GLS: variants seen among roughly 807,000 people sequenced by gnomAD.
GLS encodes the protein glutaminase, also known as glutaminase kidney isoform, mitochondrial.
GLS carries 36 observed loss-of-function variants against 86.7 expected under a neutral mutation model. That is an observed-to-expected ratio of 0.42 (90% CI 0.32 to 0.55). The LOEUF is 0.55. Among genes scored for constraint, GLS ranks in the 20% least tolerant of loss-of-function variants. GLS has a pLI of 0.17. For synonymous variants in GLS, 317 were observed against 305.9 expected (o/e 1.04, Z -0.38); for missense variants, 528 against 833.4 (o/e 0.63, Z 4.51).
At chr2:190,889,333 T>G (rs1688491112) in intron 1 of GLS, among the ~76,000 whole-genome samples, 1 of 152,236 alleles carries the variant, frequency 6.6e-6, no homozygotes, top group Non-Finnish European at 1.5e-5. Flanking sequence ...TGCTGCTTTC[T>G]TCTCTTCTGT....
chr2:190,932,748 C>G, intron 14 of GLS: 2 of 1,601,518 alleles, frequency 1.2e-6, no homozygotes, highest in Non-Finnish European at 1.7e-6. Flanking sequence ...ATGAAAGTCT[C>G]CAACAAGAAC....
intron 7 of GLS, among the ~76,000 whole-genome samples, chr2:190,917,558 A>C (rs1236438823): frequency 6.6e-6 from 1 of 152,196 alleles, no homozygotes; most frequent in Non-Finnish European, 1.5e-5. Context: ...GAAGATTTTC[A>C]GTTTACTTTG....
Position 190,880,896 on chromosome 2 carries a change from A to AGCAGCAGCAGCAGCAGCACCC in GLS, c.-171_-170insCCCGCAGCAGCAGCAGCAGCA. The AGCAGCAGCAGCAGCAGCACCC allele has an allele frequency of 1.9e-6, 1 of 529,626 alleles. No homozygotes were observed. Among genetic ancestry groups the AGCAGCAGCAGCAGCAGCACCC allele is most frequent in the Non-Finnish European group, 3.0e-6 (1 of 336,730 alleles). The allele number at this position is 529,626 out of a possible 1,614,324, so 32.8% of individuals were successfully genotyped here. The stretch of plus-strand genomic sequence containing the variant: ...GCGCAGCAGCAGCAGCAGCAGCAGC[A>AGCAGCAGCAGCAGCAGCACCC]GCAGCAGCAGCAGCAGCAGCAGCAC... On this transcript the variant is annotated 5_prime_UTR_variant, in exon 1 of 18. Transcript: ENST00000320717.
At chr2:190,900,506 C>T in intron 3 of GLS, 58 bp from the exon 4 acceptor site, 4 of 955,414 alleles carry the variant, frequency 4.2e-6, no homozygotes, top group Non-Finnish European at 4.7e-6. Flanking sequence ...ACTGTTATTA[C>T]CAAGTTCTGA....
In GLS at chr2:190,895,083, T is replaced by G; in HGVS notation, c.387-69T>G. On this transcript the variant is annotated intron_variant, in intron 1 of 17. Transcript: ENST00000320717. The surrounding 1 kb of genome is among the most constrained non-coding windows in gnomAD (Gnocchi z 4.2). ...GTCTAGTTTAGTGGTTATTTAACAATGGATTTAGTTAAAAATCCAGTAGAA... is the reference window on the plus strand; with the variant it reads ...GTCTAGTTTAGTGGTTATTTAACAAGGGATTTAGTTAAAAATCCAGTAGAA... 2 of 713,992 alleles carry G rather than the reference T, an allele frequency of 2.8e-6. No individual in the cohort carries two copies. Among genetic ancestry groups the G allele is most frequent in the Non-Finnish European group, 5.1e-6 (2 of 393,862 alleles). The allele number at this position is 713,992 out of a possible 1,614,324, so 44.2% of individuals were successfully genotyped here. A position where few individuals can be genotyped will look rare whatever the true frequency, so the allele number is the denominator to read the frequency against.
At chr2:190,923,343 C>CCATT (rs1390694446) in intron 9 of GLS, among the ~76,000 whole-genome samples, 1 of 152,192 alleles carries the variant, frequency 6.6e-6, no homozygotes, top group Non-Finnish European at 1.5e-5. Context: ...TCTCCATGTG[C>CCATT]CATTCCCCAG....
rs1690806045 is a variant in GLS, at chr2:190,954,408, A to G, written c.1713-176A>G. 6.6e-6 allele frequency among the ~76,000 whole-genome samples: 1 copy of G among 152,198 alleles called. No individual in the cohort carries two copies. Among genetic ancestry groups the G allele is most frequent in the Non-Finnish European group, 1.5e-5 (1 of 68,032 alleles). Reference sequence around the variant, plus strand: ...AAGCAAAGCTGAGGAAGAGAGGTGAAGTGGCATCTACCCAAAACACCTGTG... The same window carrying G: ...AAGCAAAGCTGAGGAAGAGAGGTGAGGTGGCATCTACCCAAAACACCTGTG... On this transcript the variant is annotated intron_variant, in intron 15 of 17. Transcript: ENST00000320717. This position sits in a 1 kb window ranked among gnomAD's most constrained non-coding sequence, Gnocchi z 4.0.
intron 7 of GLS, among the ~76,000 whole-genome samples, chr2:190,911,999 C>T (rs895137730): frequency 6.6e-6 from 1 of 152,008 alleles, no homozygotes; most frequent in African/African-American, 2.4e-5. Context: ...CAGACTACAC[C>T]GAAATGCTGC....
intron 1 of GLS, 123 bp downstream of exon 1, chr2:190,881,593 C>G (rs1057019714): frequency 1.0e-5 from 10 of 959,224 alleles, no homozygotes; most frequent in African/African-American, 1.7e-5. Context: ...GAAAGAGGTG[C>G]CGGGCGGCCT....
rs1015711635 is a variant in GLS, at chr2:190,956,201, C to G, written c.1853+1383C>G. On this transcript the variant is annotated intron_variant, in intron 17 of 17. Coordinates refer to ENST00000320717, the MANE Select transcript of GLS (RefSeq NM_014905.5). This position sits in a 1 kb window ranked among gnomAD's most constrained non-coding sequence, Gnocchi z 4.2. ...TTGGTCATGAAGTCTTTGCCCATGC[C>G]TATGTCCTGAATGGTATTGCCTAGG... Among the ~76,000 whole-genome samples the G allele has an allele frequency of 2.0e-5, 3 of 152,176 alleles. No individual in the cohort carries two copies. Among genetic ancestry groups the G allele is most frequent in the African/African-American group, 7.2e-5 (3 of 41,430 alleles).
In GLS at chr2:190,880,926, A is replaced by G. The variant is rs1455509161; in HGVS notation, c.-159A>G. 1 of 974,148 alleles carries G rather than the reference A, an allele frequency of 1.0e-6. No individual in the cohort carries two copies. The highest frequency in any genetic ancestry group is 2.9e-5 in the East Asian group (1 of 34,978). The allele number at this position is 974,148 out of a possible 1,614,324, so 60.3% of individuals were successfully genotyped here. A position where few individuals can be genotyped will look rare whatever the true frequency, so the allele number is the denominator to read the frequency against. Reference sequence around the variant, plus strand: ...CAGCAGCAGCAGCAGCAGCACCCGCATCCGCTGCGGGAGTCCGAGCCGGAA... The same window carrying G: ...CAGCAGCAGCAGCAGCAGCACCCGCGTCCGCTGCGGGAGTCCGAGCCGGAA... On this transcript the variant is annotated 5_prime_UTR_variant, in exon 1 of 18. Transcript: ENST00000320717.
chr2:190,959,523 CTT>C, intron 17 of GLS, among the ~76,000 whole-genome samples: 1 of 152,252 alleles, frequency 6.6e-6, no homozygotes, highest in East Asian at 1.9e-4. Flanking sequence ...TGTCAATGGT[CTT>C]TACAATTTTG....
chr2:190,950,206 G>C (rs193067745), intron 14 of GLS, among the ~76,000 whole-genome samples: 1 of 152,082 alleles, frequency 6.6e-6, no homozygotes, highest in Non-Finnish European at 1.5e-5. Context: ...TCTGAATGGA[G>C]TAGAGCTGGA....
In GLS at chr2:190,900,677, A is replaced by T; in HGVS notation, c.719A>T (p.Lys240Met). ...HIDELYESAK[K>M]QSGGKVADYI... is the part of the protein sequence containing the mutation. ...GATGAGTTATATGAAAGTGCTAAAA[A>T]GCAGTCTGGAGGAAAGGTAATGCTT... Residue 240 changes from lysine (K) to methionine (M), a missense_variant, in exon 4 of 18, where the codon AAG becomes ATG. Around this residue, in one of 4 missense-constraint regions of GLS, gnomAD observed 111 missense variants for 179.5 expected, o/e 0.62. Transcript: ENST00000320717. 6.2e-7 allele frequency: 1 copy of T among 1,606,876 alleles called. No individual in the cohort carries two copies. The highest frequency in any genetic ancestry group is 8.5e-7 in the Non-Finnish European group (1 of 1,174,452).
chr2:190,924,636 G>C lies in GLS; in HGVS notation c.1248+43G>C. The C allele has an allele frequency of 9.2e-7, 1 of 1,092,518 alleles. No individual in the cohort carries two copies. Among genetic ancestry groups the C allele is most frequent in the Non-Finnish European group, 1.4e-6 (1 of 706,560 alleles). 67.7% of individuals were successfully genotyped at this position (1,092,518 alleles called of 1,614,324 possible). ...ATCGTATATATAAATGGATGTGTCG[G>C]CTGGGCACGGTGGCTCACGCCTGTA... is the stretch of plus-strand genomic sequence containing the variant. On this transcript the variant is annotated intron_variant, in intron 11 of 17. Transcript: ENST00000320717. This position sits in a 1 kb window ranked among gnomAD's most constrained non-coding sequence, Gnocchi z 5.2.
rs935566047 is a variant in GLS at position 190,881,277 on chromosome 2, G to C, written c.193G>C (p.Ala65Pro). The change falls in exon 1 of 18, where the codon GCG (alanine) becomes CCG (proline). Residue 65 changes from alanine to proline, a missense_variant. Ala to Pro is a conservative substitution (Grantham distance 27, BLOSUM62 -1). Coordinates refer to ENST00000320717, the MANE Select transcript of GLS (RefSeq NM_014905.5). ...HPWWGGGGWP[A>P]EPLARGLSSS... ...GTGGTGGGGCGGGGGCGGCTGGCCG[G>C]CGGAGCCCCTCGCGCGGGGCCTGTC... 1.5e-6 allele frequency: 2 copies of C among 1,324,326 alleles called. No individual in the cohort carries two copies. The highest frequency in any genetic ancestry group is 3.0e-5 in the African/African-American group (2 of 65,696). 82.0% of individuals were successfully genotyped at this position (1,324,326 alleles called of 1,614,324 possible).
intron 14 of GLS, chr2:190,934,200 G>T (rs1054322172): frequency 1.0e-6 from 1 of 975,174 alleles, no homozygotes; most frequent in Non-Finnish European, 1.2e-6. Flanking sequence ...GTATGTATGT[G>T]GTAATGGAAA....
In GLS at chr2:190,947,794, G is replaced by C. The variant is rs1574617668; in HGVS notation, c.1651-5771G>C. Among the ~76,000 whole-genome samples the C allele has an allele frequency of 6.6e-6, 1 of 152,142 alleles. No homozygotes were observed. The highest frequency in any genetic ancestry group is 2.1e-4 in the South Asian group (1 of 4,830). On this transcript the variant is annotated intron_variant, in intron 14 of 17. Coordinates refer to ENST00000320717, the MANE Select transcript of GLS (RefSeq NM_014905.5). The surrounding 1 kb of genome is among the most constrained non-coding windows in gnomAD (Gnocchi z 5.0). ...AATGGTTAGCACACCTACATCCTTT[G>C]CAAGTATTGGTGTGGAGGTGGATGA...
At chr2:190,883,420 C>A (rs1459212385) in intron 1 of GLS, among the ~76,000 whole-genome samples, 1 of 152,156 alleles carries the variant, frequency 6.6e-6, no homozygotes, top group East Asian at 1.9e-4. Context: ...GTCAGCAGTC[C>A]ACCTGGTATG....
Sources: allele counts gnomAD v4.1 joint callset (sites outside exome capture counted in the v4.1 genomes callset), GRCh38; gene constraint gnomAD v4.1.1; regional missense constraint gnomAD v4.1.1; non-coding constraint Gnocchi (gnomAD v3.1); transcripts MANE v1.5; gene names NCBI Gene and HGNC (gene_info 2026-07-23, HGNC 2026-07-21).